Variants in FBXL17 observed in about 807,000 individuals in gnomAD.
The protein encoded by FBXL17 is F-box and leucine rich repeat protein 17, also known as F-box/LRR-repeat protein 17.
In FBXL17, 22 loss-of-function variants were observed where a neutral mutation model predicts 66.2. That is an observed-to-expected ratio of 0.33 (90% CI 0.24 to 0.47). The LOEUF (loss-of-function observed/expected upper bound fraction) is 0.47, where lower values mean the gene tolerates loss of function less well. Among genes scored for constraint, FBXL17 ranks in the 20% least tolerant of loss-of-function variants. The pLI is 1.00. For missense variants in FBXL17, 878 were observed against 948.2 expected (o/e 0.93, Z 0.97); for synonymous variants, 474 against 400.5 (o/e 1.18, Z -2.19).
At chr5:108,298,248 T>G in intron 4 of FBXL17, 1 of 984,544 alleles carries the variant, frequency 1.0e-6, no homozygotes, top group Non-Finnish European at 1.2e-6. Context: ...GTTATAGTCT[T>G]CTTGCTACTT....
chr5:108,027,265 A>G (rs1754859373), intron 6 of FBXL17, among the ~76,000 whole-genome samples: 1 of 152,180 alleles, frequency 6.6e-6, no homozygotes, highest in Non-Finnish European at 1.5e-5. Flanking sequence ...TTAAGCTACT[A>G]AGAAACAAGA....
At chr5:107,864,502 C>T (rs938107204) in intron 8 of FBXL17, among the ~76,000 whole-genome samples, 1 of 152,118 alleles carries the variant, frequency 6.6e-6, no homozygotes, top group Non-Finnish European at 1.5e-5. Flanking sequence ...GGATATTTGT[C>T]CCCTTCCCAT....
chr5:107,883,789 AC>A (rs1748872434), intron 7 of FBXL17, among the ~76,000 whole-genome samples: 1 of 152,212 alleles, frequency 6.6e-6, no homozygotes, highest in African/African-American at 2.4e-5. Flanking sequence ...TAACAGAGGC[AC>A]GCTAAGGGGG....
intron 5 of FBXL17, among the ~76,000 whole-genome samples, chr5:108,212,522 A>T (rs1310425175): frequency 6.6e-6 from 1 of 151,718 alleles, no homozygotes; most frequent in African/African-American, 2.4e-5. Flanking sequence ...CTTTGAGTCG[A>T]CATGCTCTTC....
intron 4 of FBXL17, among the ~76,000 whole-genome samples, chr5:108,314,213 T>C (rs1193568799): frequency 6.6e-6 from 1 of 151,728 alleles, no homozygotes; most frequent in Non-Finnish European, 1.5e-5. Flanking sequence ...TATTTTCACA[T>C]TCTTCTGAAT....
intron 7 of FBXL17, among the ~76,000 whole-genome samples, chr5:107,887,920 G>A (rs906380433): frequency 6.6e-6 from 1 of 152,118 alleles, no homozygotes; most frequent in African/African-American, 2.4e-5. Context: ...AAACAAAAGA[G>A]CTCCCTTTTA....
intron 6 of FBXL17, among the ~76,000 whole-genome samples, chr5:108,086,431 A>T (rs1748972844): frequency 6.6e-6 from 1 of 152,218 alleles, no homozygotes; most frequent in African/African-American, 2.4e-5. Flanking sequence ...GCATAAAAAT[A>T]GACAGTTTTC....
Position 107,881,120 on chromosome 5 carries a change from T to C in FBXL17, c.1882A>G (p.Lys628Glu). The part of the protein sequence containing the change: ...TIETVDVGWC[K>E]EITDQGATLI... ...GTGGCTCCTTGGTCTGTGATTTCTT[T>C]ACACCATCCGACATCCACAGTCTCT... is the stretch of plus-strand genomic sequence containing the variant. The change falls in exon 8 of 9, where the codon AAA (lysine) becomes GAA (glutamate). Residue 628 changes from lysine to glutamate, a missense_variant. Physicochemically the swap from Lys to Glu is moderately conservative, Grantham distance 56 (BLOSUM62 1). This residue lies in a region of FBXL17 where 236 missense variants were observed against 389.1 expected (regional missense o/e 0.61). Coordinates refer to ENST00000542267, the MANE Select transcript of FBXL17 (RefSeq NM_001163315.3). 2 of 1,614,032 alleles carry C rather than the reference T, an allele frequency of 1.2e-6. No individual in the cohort carries two copies. Among genetic ancestry groups the C allele is most frequent in the Non-Finnish European group, 1.7e-6 (2 of 1,179,924 alleles).
intron 7 of FBXL17, among the ~76,000 whole-genome samples, chr5:107,901,501 T>C (rs1580696972): frequency 6.6e-6 from 1 of 152,168 alleles, no homozygotes. Context: ...ACTGAAGAGA[T>C]CGTTACTAAA....
intron 4 of FBXL17, among the ~76,000 whole-genome samples, chr5:108,336,025 A>T (rs1760365489): frequency 6.6e-6 from 1 of 152,194 alleles, no homozygotes; most frequent in African/African-American, 2.4e-5. Flanking sequence ...TCCTCCAAGA[A>T]AATGAAAAAA....
chr5:108,370,933 T>C (rs1475188302), intron 1 of FBXL17, among the ~76,000 whole-genome samples: 2 of 152,128 alleles, frequency 1.3e-5, no homozygotes, highest in African/African-American at 4.8e-5. Flanking sequence ...GTGCCAAAAT[T>C]TGAAGAATGG....
Position 107,966,493 on chromosome 5 carries a change from AC to A in FBXL17, c.1822+54431del, listed in dbSNP as rs1344458838. On this transcript the variant is annotated intron_variant, in intron 7 of 8. Transcript: ENST00000542267. ...AGATCAGGAGATCCAGTTGTAACTT[AC>A]ACATACTTTTCAAGCAATCCCTGTT... Among the ~76,000 whole-genome samples, 9 of 152,238 alleles carry A rather than the reference AC, an allele frequency of 5.9e-5. No homozygotes were observed. The East Asian group carries it at 1.5e-3, about 26-fold the overall frequency.
chr5:108,091,545 T>A (rs760895888), intron 6 of FBXL17, among the ~76,000 whole-genome samples: 1 of 152,206 alleles, frequency 6.6e-6, no homozygotes, highest in Non-Finnish European at 1.5e-5. Flanking sequence ...CTTTATTGCA[T>A]GTTTCTTTTT....
At chr5:108,340,554 A>G (rs2416188) in intron 4 of FBXL17, among the ~76,000 whole-genome samples, 64,221 of 152,004 alleles carry the variant, frequency 0.42, 14,318 homozygotes, top group Non-Finnish European at 0.5. Context: ...AATGACAATT[A>G]TGCCAAAAAA....
chr5:108,298,181 G>A, intron 4 of FBXL17: 3 of 978,876 alleles, frequency 3.1e-6, no homozygotes, highest in Non-Finnish European at 3.6e-6. Context: ...AGAAATTCTA[G>A]AAAGTACAGC....
intron 4 of FBXL17, among the ~76,000 whole-genome samples, chr5:108,332,056 T>G (rs1368920236): frequency 2.0e-5 from 3 of 152,084 alleles, no homozygotes; most frequent in African/African-American, 4.8e-5. Flanking sequence ...AACTAAATAA[T>G]GTACTGATCA....
At chr5:107,867,909 T>C (rs1748330945) in intron 8 of FBXL17, among the ~76,000 whole-genome samples, 1 of 152,248 alleles carries the variant, frequency 6.6e-6, no homozygotes, top group Non-Finnish European at 1.5e-5. Context: ...CTTTCGTGTG[T>C]TAAGAGACAA....
intron 4 of FBXL17, among the ~76,000 whole-genome samples, chr5:108,341,405 A>G (rs1746872257): frequency 6.6e-6 from 1 of 152,180 alleles, no homozygotes. Flanking sequence ...ATGGGACAAC[A>G]GTACGAATGT....
intron 7 of FBXL17, among the ~76,000 whole-genome samples, chr5:107,910,582 A>G (rs1749917611): frequency 6.6e-6 from 1 of 152,174 alleles, no homozygotes; most frequent in East Asian, 1.9e-4. Context: ...AAGAAGAAAT[A>G]TGAGGCATAA....
Sources: gnomAD v4.1 joint callset for allele counts (sites outside exome capture counted in the v4.1 genomes callset) on GRCh38, gnomAD v4.1.1 for gene constraint, gnomAD v4.1.1 regional missense constraint, MANE v1.5 for transcripts, NCBI Gene and HGNC (gene_info 2026-07-23, HGNC 2026-07-21) for gene names.